The following ITFG2 variants were observed in gnomAD, a reference collection of about 807,000 sequenced individuals.
ITFG2 encodes the protein KICSTOR complex protein ITFG2.
A neutral mutation model predicts 54.4 loss-of-function variants in ITFG2; 36 were observed. That is an observed-to-expected ratio of 0.66 (90% CI 0.51 to 0.87). The LOEUF (loss-of-function observed/expected upper bound fraction) is 0.87, where lower values mean the gene tolerates loss of function less well. ITFG2 is among the 40% of genes least tolerant of loss of function. The probability of loss-of-function intolerance (pLI) is 0.00; values close to 1 mark genes in which losing one functional copy is unlikely to be tolerated. For synonymous variants in ITFG2, 211 were observed against 225.4 expected (o/e 0.94, Z 0.57); for missense variants, 524 against 576.7 (o/e 0.91, Z 0.94).
intron 2 of ITFG2, chr12:2,849,434 G>T (rs543225535): frequency 6.5e-7 from 1 of 1,536,174 alleles, no homozygotes; most frequent in South Asian, 1.2e-5. Flanking sequence ...TTTGGGCAGG[G>T]CCAGCTCCTG....
At chr12:2,835,120 C>A (rs1008531127), upstream of ITFG2, 7 of 1,430,528 alleles carry the variant, frequency 4.9e-6, no homozygotes, top group South Asian at 9.0e-5. Flanking sequence ...GCATCCCCAA[C>A]GCTGGGGTCC....
At chr12:2,841,374 T>C (rs2098040752) in intron 2 of ITFG2, among the ~76,000 whole-genome samples, 3 of 151,554 alleles carry the variant, frequency 2.0e-5, no homozygotes, top group Admixed American at 2.0e-4. Flanking sequence ...TTTCTAGCAA[T>C]GATGAAGGGG....
At chr12:2,843,395 C>T (rs762791110) in intron 2 of ITFG2, among the ~76,000 whole-genome samples, 27 of 152,286 alleles carry the variant, frequency 1.8e-4, no homozygotes, top group African/African-American at 5.3e-4. Flanking sequence ...ATATTTCTGA[C>T]GCTAGGATTA....
At position 2,822,848 on chromosome 12, in the gene ITFG2, A is replaced by G. The variant is rs1407449944; in HGVS notation, c.1003A>G (p.Ile335Val). 1.2e-6 allele frequency: 2 copies of G among 1,614,168 alleles called. No homozygotes were observed. The highest frequency in any genetic ancestry group is 2.2e-5 in the East Asian group (1 of 44,884). The change falls in exon 10 of 12, where the codon ATT (isoleucine) becomes GTT (valine). Residue 335 changes from isoleucine to valine, a missense_variant. Physicochemically the swap from Ile to Val is conservative, Grantham distance 29. Transcript: ENST00000228799. ...ACAWDGQTYI[I>V]DHNRTVVRFQ... The stretch of plus-strand genomic sequence containing the variant: ...CGCCTGGGATGGACAGACATATATC[A>G]TTGATCACAACCGCACCGTCGTCCG...
chr12:2,827,948 C>T, downstream of ITFG2: 2 of 1,614,180 alleles, frequency 1.2e-6, no homozygotes, highest in Non-Finnish European at 1.7e-6. This position sits in a 1 kb window ranked among gnomAD's most constrained non-coding sequence, Gnocchi z 4.0. Context: ...CCGAGCACAC[C>T]ACAGTCTCCT....
At position 2,824,245 on chromosome 12, in the gene ITFG2, C is replaced by T. The variant is rs1449438965; in HGVS notation, c.*52C>T. 2.6e-6 allele frequency: 4 copies of T among 1,538,016 alleles called. No individual in the cohort carries two copies. Among genetic ancestry groups the T allele is most frequent in the Non-Finnish European group, 3.6e-6 (4 of 1,111,198 alleles). ...GATTCTTCTGAACCCCCACCCTACC[C>T]CCTAAAGGTATCTGTGGTATTGGCA... On this transcript the variant is annotated 3_prime_UTR_variant, in exon 12 of 12. Transcript: ENST00000228799.
intron 10 of ITFG2, 63 bp downstream of exon 10, chr12:2,822,974 GC>G: frequency 7.9e-7 from 1 of 1,270,040 alleles, no homozygotes; most frequent in Non-Finnish European, 1.1e-6. Flanking sequence ...TGTTAGGCAT[GC>G]CAGGGAAGTG....
chr12:2,822,728 G>A (rs1565416859), intron 9 of ITFG2, 66 bp from the exon 10 acceptor site: 10 of 1,365,448 alleles, frequency 7.3e-6, no homozygotes, highest in East Asian at 2.3e-5. Context: ...TCCCCAGCTC[G>A]CTGTTTGTCA....
At chr12:2,833,519 T>A (rs144194296), upstream of ITFG2, among the ~76,000 whole-genome samples, 1,009 of 152,064 alleles carry the variant, frequency 6.6e-3, 11 homozygotes, top group African/African-American at 0.023. Context: ...TGCACTGGCC[T>A]TCAGGTTCCC....
At chr12:2,844,278 G>A (rs1362123327) in intron 2 of ITFG2, among the ~76,000 whole-genome samples, 1 of 151,984 alleles carries the variant, frequency 6.6e-6, no homozygotes, top group African/African-American at 2.4e-5. Flanking sequence ...ATAAGGCTGG[G>A]CATGGTGGCT....
At chr12:2,859,558 T>A in exon 4 of ITFG2, 1 of 1,614,058 alleles carries the variant, frequency 6.2e-7, no homozygotes, top group Non-Finnish European at 8.5e-7. Flanking sequence ...TCCTTGATAG[T>A]CTGAACTGGA....
In ITFG2 at chr12:2,858,928, G is replaced by T. The variant is rs189481330; in HGVS notation, n.620+597G>T. On this transcript the variant is annotated intron_variant and non_coding_transcript_variant, in intron 3 of 3. Coordinates refer to the ITFG2 transcript ENST00000537710. ...AGCCTTTGCGGTGATTCAAGGGGGG[G>T]AGCACTTTGCAAGGGAGTGGTGCTG... The T allele has an allele frequency of 4.7e-4, 753 of 1,613,750 alleles. 4 individuals carry two copies. In the Admixed American group the frequency reaches 0.012, roughly 25 times the overall value.
At chr12:2,839,921 A>C (rs2098036942) in intron 1 of ITFG2, among the ~76,000 whole-genome samples, 1 of 152,174 alleles carries the variant, frequency 6.6e-6, no homozygotes, top group Non-Finnish European at 1.5e-5. Flanking sequence ...AATGGACACG[A>C]AGATGGGAAC....
intron 2 of ITFG2, chr12:2,854,942 G>A (rs987408241): frequency 3.3e-6 from 5 of 1,535,928 alleles, no homozygotes; most frequent in African/African-American, 1.4e-5. Context: ...GCATCGAGTG[G>A]GGGTGCTCTT....
intron 2 of ITFG2, among the ~76,000 whole-genome samples, chr12:2,849,921 G>A (rs945626241): frequency 5.9e-5 from 9 of 152,160 alleles, no homozygotes; most frequent in African/African-American, 1.2e-4. Context: ...GTAAGCCTGC[G>A]GTATTGGGTC....
chr12:2,837,175 T>C (rs538084088), intron 1 of ITFG2, among the ~76,000 whole-genome samples: 2 of 151,466 alleles, frequency 1.3e-5, no homozygotes, highest in Non-Finnish European at 2.9e-5. Flanking sequence ...CCACTAAAAA[T>C]GCAAAAAATT....
upstream of ITFG2, chr12:2,835,043 C>T (rs974447816): frequency 1.4e-5 from 21 of 1,463,806 alleles, no homozygotes; most frequent in African/African-American, 1.4e-4. Flanking sequence ...AGTGAGACTC[C>T]GGCTGGAAAA....
chr12:2,859,682 T>G (rs1161692233), exon 4 of ITFG2: 3 of 1,581,342 alleles, frequency 1.9e-6, no homozygotes, highest in Middle Eastern at 3.6e-4. Flanking sequence ...GAAACAGAGA[T>G]AAGGTGAACC....
At chr12:2,835,155 G>T (rs1452950101), upstream of ITFG2, 1 of 1,401,412 alleles carries the variant, frequency 7.1e-7, no homozygotes, top group Non-Finnish European at 9.1e-7. Context: ...GGTGGATGGG[G>T]CGTATGTGTG....
Sources: allele counts gnomAD v4.1 joint callset (sites outside exome capture counted in the v4.1 genomes callset), GRCh38; gene constraint gnomAD v4.1.1; non-coding constraint Gnocchi (gnomAD v3.1); transcripts MANE v1.5; gene names NCBI Gene and HGNC (gene_info 2026-07-23, HGNC 2026-07-21).